Variants in PARD3 observed in about 807,000 individuals in gnomAD.
The protein encoded by PARD3 is par-3 family cell polarity regulator.
PARD3 carries 75 observed loss-of-function variants against 155.4 expected under a neutral mutation model. That is an observed-to-expected ratio of 0.48 (90% CI 0.40 to 0.58). The LOEUF (loss-of-function observed/expected upper bound fraction) is 0.58. PARD3 is among the 20% of genes least tolerant of loss of function. The probability of loss-of-function intolerance (pLI) is 0.00; values close to 1 mark genes in which losing one functional copy is unlikely to be tolerated. For missense variants in PARD3, 1,642 were observed against 1,721.7 expected (o/e 0.95, Z 0.82); for synonymous variants, 576 against 610.5 (o/e 0.94, Z 0.83).
chr10:34,245,620 A>G (rs1315095499), intron 22 of PARD3, among the ~76,000 whole-genome samples: 1 of 125,408 alleles, frequency 8.0e-6, no homozygotes, highest in East Asian at 2.3e-4. Context: ...CAAAACAAGG[A>G]ATGTGTGGAG....
At chr10:34,799,382 C>T (rs1318669589) in intron 1 of PARD3, among the ~76,000 whole-genome samples, 4 of 152,138 alleles carry the variant, frequency 2.6e-5, no homozygotes, top group East Asian at 1.9e-4. Context: ...GAATGGGCCC[C>T]GAGATTGTAC....
chr10:34,542,005 T>C (rs2083641506), intron 2 of PARD3, among the ~76,000 whole-genome samples: 1 of 151,956 alleles, frequency 6.6e-6, no homozygotes. Flanking sequence ...GCCTCCCGAG[T>C]AGCTGAGACA....
intron 3 of PARD3, among the ~76,000 whole-genome samples, chr10:34,500,761 AATAAC>A (rs1316118342): frequency 1.3e-5 from 2 of 152,170 alleles, no homozygotes; most frequent in Non-Finnish European, 2.9e-5. Context: ...CATAAATTAT[AATAAC>A]ATAAAATGAA....
chr10:34,789,058 T>C (rs1056720645), intron 1 of PARD3, among the ~76,000 whole-genome samples: 3 of 152,166 alleles, frequency 2.0e-5, no homozygotes, highest in African/African-American at 7.2e-5. Flanking sequence ...AATGAGAAAA[T>C]TAATTAACTT....
At chr10:34,534,646 T>A (rs530419296) in intron 2 of PARD3, among the ~76,000 whole-genome samples, 2 of 152,278 alleles carry the variant, frequency 1.3e-5, no homozygotes, top group South Asian at 4.2e-4. Context: ...ACAAAGCAAG[T>A]GAGCCCAAGG....
At chr10:34,525,812 G>C (rs2082436142) in intron 2 of PARD3, among the ~76,000 whole-genome samples, 1 of 151,972 alleles carries the variant, frequency 6.6e-6, no homozygotes, top group South Asian at 2.1e-4. Context: ...ACCAGGCATG[G>C]TGGGTCATGC....
intron 22 of PARD3, among the ~76,000 whole-genome samples, chr10:34,268,874 A>G (rs1955472949): frequency 1.3e-5 from 2 of 152,294 alleles, no homozygotes; most frequent in South Asian, 2.1e-4. Context: ...ACATGTATAC[A>G]TATGTACCAA....
At chr10:34,614,336 ATATCAAGAAG>A (rs1469990506) in intron 2 of PARD3, among the ~76,000 whole-genome samples, 2 of 152,210 alleles carry the variant, frequency 1.3e-5, no homozygotes, top group Non-Finnish European at 2.9e-5. Context: ...CTAATTGAAA[ATATCAAGAAG>A]TTCTCTAACA....
chr10:34,709,773 CG>C (rs2094423947), intron 1 of PARD3, among the ~76,000 whole-genome samples: 1 of 152,146 alleles, frequency 6.6e-6, no homozygotes, highest in Non-Finnish European at 1.5e-5. Context: ...TATGTCATCC[CG>C]GGGCCTCCTA....
rs544909043 is a variant in PARD3 at position 34,638,877 on chromosome 10, T to C, written c.222+57441A>G. On this transcript the variant is annotated intron_variant, in intron 2 of 24. Transcript: ENST00000374788. ...AACATTCTTTGTCTTTGTTACTATA[T>C]ACGTATGATTTATAGTTCTCTCTCT... Among the ~76,000 whole-genome samples, 10 of 152,310 alleles carry C rather than the reference T, an allele frequency of 6.6e-5. No homozygotes were observed. The East Asian group carries it at 1.7e-3, about 26-fold the overall frequency.
At chr10:34,221,164 C>A (rs1952262651) in intron 22 of PARD3, among the ~76,000 whole-genome samples, 3 of 152,184 alleles carry the variant, frequency 2.0e-5, no homozygotes, top group African/African-American at 7.2e-5. Context: ...ACTATTTTAT[C>A]TTTGATAAGT....
intron 22 of PARD3, among the ~76,000 whole-genome samples, chr10:34,246,958 A>G (rs906548683): frequency 4.6e-5 from 7 of 152,254 alleles, no homozygotes; most frequent in Middle Eastern, 3.4e-3. Flanking sequence ...GTGGTGGTGC[A>G]TGCCTGTAGT....
At chr10:34,140,881 T>C (rs1948154310) in intron 22 of PARD3, among the ~76,000 whole-genome samples, 1 of 152,234 alleles carries the variant, frequency 6.6e-6, no homozygotes, top group Admixed American at 6.5e-5. Context: ...GGCCGCTTTT[T>C]TTGTGATGCT....
At chr10:34,463,726 T>C (rs951679879) in intron 4 of PARD3, among the ~76,000 whole-genome samples, 4 of 152,196 alleles carry the variant, frequency 2.6e-5, no homozygotes, top group Non-Finnish European at 4.4e-5. Flanking sequence ...ATGCACCCCA[T>C]AACAACGTCA....
chr10:34,682,698 G>A (rs968037606), intron 2 of PARD3, among the ~76,000 whole-genome samples: 1 of 151,990 alleles, frequency 6.6e-6, no homozygotes, highest in African/African-American at 2.4e-5. Context: ...CTCCAGCCTG[G>A]GTGACAGACC....
chr10:34,784,078 A>T (rs1840625426), intron 1 of PARD3, among the ~76,000 whole-genome samples: 1 of 151,890 alleles, frequency 6.6e-6, no homozygotes, highest in Admixed American at 6.6e-5. Context: ...AGGCATGGTG[A>T]TACACGCCTG....
At chr10:34,571,429 A>G (rs1165667836) in intron 2 of PARD3, among the ~76,000 whole-genome samples, 3 of 152,218 alleles carry the variant, frequency 2.0e-5, no homozygotes, top group African/African-American at 4.8e-5. Context: ...GATGATGATG[A>G]TAAGAGCAGC....
intron 2 of PARD3, among the ~76,000 whole-genome samples, chr10:34,574,249 C>T (rs1725214196): frequency 6.6e-6 from 1 of 152,090 alleles, no homozygotes; most frequent in African/African-American, 2.4e-5. Flanking sequence ...TTACTTTAAA[C>T]AATCAAAAGC....
intron 22 of PARD3, among the ~76,000 whole-genome samples, chr10:34,226,679 T>C (rs1952618248): frequency 6.6e-6 from 1 of 152,174 alleles, no homozygotes; most frequent in Non-Finnish European, 1.5e-5. Context: ...TATTAAAAAG[T>C]TAAACATAAA....
Sources: allele counts gnomAD v4.1 joint callset (sites outside exome capture counted in the v4.1 genomes callset), GRCh38; gene constraint gnomAD v4.1.1; transcripts MANE v1.5; gene names NCBI Gene and HGNC (gene_info 2026-07-23, HGNC 2026-07-21).